TM9SF4: variants seen among roughly 807,000 people sequenced by gnomAD.
TM9SF4 encodes dinucleotide oxidase disulfide thiol exchanger 3 superfamily member 4.
Under a neutral mutation model 90.4 loss-of-function variants are expected in TM9SF4, and 26 were observed. That is an observed-to-expected ratio of 0.29 (90% CI 0.21 to 0.40). The LOEUF is 0.40. Ranked by LOEUF, TM9SF4 falls within the 10% of genes least tolerant of loss-of-function variation. The pLI, the probability that TM9SF4 is intolerant of heterozygous loss-of-function variation, is 1.00. For synonymous variants in TM9SF4, 293 were observed against 315.4 expected, an observed-to-expected ratio of 0.93 and a Z score of 0.75; for missense variants, 549 against 834.8, an observed-to-expected ratio of 0.66 and a Z score of 4.22.
At chr20:32,119,843 G>C (rs1431105893) in intron 1 of TM9SF4, among the ~76,000 whole-genome samples, 5 of 152,038 alleles carry the variant, frequency 3.3e-5, no homozygotes, top group Non-Finnish European at 7.4e-5. Flanking sequence ...CTTAATTTTT[G>C]TGTGTATGTT....
chr20:32,147,446 A>G (rs1422427335), intron 9 of TM9SF4, among the ~76,000 whole-genome samples: 1 of 152,240 alleles, frequency 6.6e-6, no homozygotes, highest in African/African-American at 2.4e-5. Flanking sequence ...ACTATTCTGC[A>G]TGCCAAATAC....
At chr20:32,127,014 A>G (rs2046432736) in intron 1 of TM9SF4, among the ~76,000 whole-genome samples, 2 of 152,160 alleles carry the variant, frequency 1.3e-5, no homozygotes, top group South Asian at 4.1e-4. Flanking sequence ...GATTACAGGC[A>G]CGAGCCACCG....
intron 1 of TM9SF4, among the ~76,000 whole-genome samples, chr20:32,128,798 G>C (rs2046463825): frequency 7.0e-6 from 1 of 143,122 alleles, no homozygotes; most frequent in African/African-American, 2.8e-5. Context: ...TTCTGTGTGT[G>C]TGTGTGTGTG....
At chr20:32,158,999 T>G (rs531394332) in intron 15 of TM9SF4, 6 of 154,032 alleles carry the variant, frequency 3.9e-5, no homozygotes, top group African/African-American at 1.5e-4. Flanking sequence ...AAAAAAAAAT[T>G]TAAATGAGAT....
Position 32,150,848 on chromosome 20 carries a change from C to G in TM9SF4, c.1218C>G (p.Gly406=). The change falls in exon 12 of 18, where the codon GGC becomes GGG. Residue 406 remains glycine, a synonymous_variant. Transcript: ENST00000398022. The part of the protein sequence containing the change: ...SAGRLYRTLK[G]HRWKKGAFCT... The stretch of plus-strand genomic sequence containing the variant: ...GCCGTCTGTACCGCACTTTAAAAGG[C>G]CATCGGTGGAAGAAAGGAGCCTTCT... 1 of 1,614,216 alleles carries G rather than the reference C, an allele frequency of 6.2e-7. No homozygotes were observed. The highest frequency in any genetic ancestry group is 1.1e-5 in the South Asian group (1 of 91,082).
intron 3 of TM9SF4, among the ~76,000 whole-genome samples, chr20:32,138,376 C>T (rs927940655): frequency 5.9e-5 from 9 of 152,232 alleles, no homozygotes; most frequent in African/African-American, 2.2e-4. Flanking sequence ...TGCCTGTAAT[C>T]CCAGCACTTT....
At chr20:32,137,424 C>T (rs957948047) in intron 3 of TM9SF4, among the ~76,000 whole-genome samples, 4 of 152,220 alleles carry the variant, frequency 2.6e-5, no homozygotes, top group Admixed American at 1.3e-4. Flanking sequence ...CTTAACCTCT[C>T]TGAACCCCTG....
chr20:32,145,263 G>C (rs1183606679), intron 7 of TM9SF4, 49 bp from the exon 8 acceptor site: 1 of 1,613,376 alleles, frequency 6.2e-7, no homozygotes, highest in East Asian at 2.2e-5. Flanking sequence ...GTCTGTGTCA[G>C]GTTCTCCAGC....
At chr20:32,121,189 C>CTCTTTTTTTTTTTATTTT (rs1569047373) in intron 1 of TM9SF4, among the ~76,000 whole-genome samples, 1 of 146,912 alleles carries the variant, frequency 6.8e-6, no homozygotes, top group Non-Finnish European at 1.5e-5. Flanking sequence ...CCCGCTGTGC[C>CTCTTTTTTTTTTTATTTT]TCTTTTTTTT....
At chr20:32,157,501 C>G (rs2046944803) in intron 13 of TM9SF4, among the ~76,000 whole-genome samples, 1 of 152,104 alleles carries the variant, frequency 6.6e-6, no homozygotes, top group Non-Finnish European at 1.5e-5. Flanking sequence ...TCATTTTGAC[C>G]TCTTCATCTC....
intron 1 of TM9SF4, among the ~76,000 whole-genome samples, chr20:32,121,221 T>A (rs73104692): frequency 0.11 from 16,223 of 150,314 alleles, 1,101 homozygotes; most frequent in East Asian, 0.18. Flanking sequence ...TTTTTTTTTT[T>A]ATTGATCATT....
chr20:32,161,289 G>C lies in TM9SF4; in HGVS notation c.1703G>C (p.Trp568Ser). 6.2e-7 allele frequency: 1 copy of C among 1,613,834 alleles called. No individual in the cohort carries two copies. Residue 568 changes from tryptophan (W) to serine (S), a missense_variant, in exon 17 of 18, where the codon TGG becomes TCG. Transcript: ENST00000398022. ...TTTCCTCCTCAGGATTACCGCTGGT[G>C]GTGGAGAAATTTCCTAGTCTCCGGG... ...FQLCAEDYRW[W>S]WRNFLVSGGS... is the part of the protein sequence containing the mutation.
chr20:32,134,908 A>T (rs1475888394), intron 2 of TM9SF4, among the ~76,000 whole-genome samples: 4 of 152,100 alleles, frequency 2.6e-5, no homozygotes, highest in Non-Finnish European at 5.9e-5. Flanking sequence ...CCTGACCTCA[A>T]GTGATCTGCC....
chr20:32,136,859 T>G, intron 3 of TM9SF4: 1 of 471,214 alleles, frequency 2.1e-6, no homozygotes, highest in South Asian at 1.5e-5. Context: ...TAAGAGACTT[T>G]CTTTTCTTAC....
chr20:32,141,685 T>C lies in TM9SF4; in HGVS notation c.398+20T>C, dbSNP rs6089193. 751,808 of 1,613,122 alleles carry C rather than the reference T, an allele frequency of 0.47. 183,840 individuals carry two copies. The highest frequency in any genetic ancestry group is 0.81 in the East Asian group (36,442 of 44,854). On this transcript the variant is annotated intron_variant, in intron 4 of 17. Transcript: ENST00000398022. ...CCACCTGTAAGTCGCCCTGTGCTCC[T>C]TGCTGCCTCAGGCTCACACAGGGGA...
At chr20:32,144,022 T>C (rs967531220) in intron 6 of TM9SF4, among the ~76,000 whole-genome samples, 3 of 152,148 alleles carry the variant, frequency 2.0e-5, no homozygotes, top group African/African-American at 7.2e-5. Context: ...CTCCGCTCAC[T>C]GCAACCTGCG....
rs536815828 is a variant in TM9SF4, at chr20:32,150,533, A to G, written c.1088-89A>G. ...CAGAGTCCTCCTGTCAGCCTGTCCA[A>G]GGTGGGCCTGGGGCTGGGGCTGGGG... On this transcript the variant is annotated intron_variant, in intron 10 of 17. Transcript: ENST00000398022. The G allele has an allele frequency of 5.6e-4, 845 of 1,514,198 alleles. 11 individuals carry two copies. In the South Asian group the frequency reaches 9.0e-3, roughly 16 times the overall value. 93.8% of individuals were successfully genotyped at this position (1,514,198 alleles called of 1,614,324 possible). A position where few individuals can be genotyped will look rare whatever the true frequency, so the allele number is the denominator to read the frequency against.
chr20:32,162,466 G>A (rs1414880626), intron 17 of TM9SF4, among the ~76,000 whole-genome samples: 1 of 152,160 alleles, frequency 6.6e-6, no homozygotes, highest in East Asian at 1.9e-4. Flanking sequence ...AATTTTTATT[G>A]GAACACAGCC....
chr20:32,143,418 T>C (rs1306421321), intron 6 of TM9SF4, among the ~76,000 whole-genome samples: 1 of 152,172 alleles, frequency 6.6e-6, no homozygotes, highest in Non-Finnish European at 1.5e-5. Context: ...AAACAGCAAG[T>C]TGGGGCTTTG....
Sources: gnomAD v4.1 joint callset for allele counts (sites outside exome capture counted in the v4.1 genomes callset) on GRCh38, gnomAD v4.1.1 for gene constraint, MANE v1.5 for transcripts, NCBI Gene and HGNC (gene_info 2026-07-23, HGNC 2026-07-21) for gene names.